Variants in ACTR2 observed in about 807,000 individuals in gnomAD.
The protein encoded by ACTR2 is actin related protein 2.
Under a neutral mutation model 50.2 loss-of-function variants are expected in ACTR2, and 5 were observed. The observed-to-expected ratio is 0.10, with a 90% CI of 0.05 to 0.21. The LOEUF (loss-of-function observed/expected upper bound fraction) is 0.21. ACTR2 is among the 10% of genes least tolerant of loss of function. The pLI, the probability that ACTR2 is intolerant of heterozygous loss-of-function variation, is 1.00. For missense variants in ACTR2, 180 were observed against 480.6 expected (o/e 0.37, Z 5.85); for synonymous variants, 140 against 162.9 (o/e 0.86, Z 1.07).
At chr2:65,253,688 G>C (rs750224932) in intron 4 of ACTR2, 40 bp from the exon 5 acceptor site, 1 of 1,597,200 alleles carries the variant, frequency 6.3e-7, no homozygotes, top group South Asian at 1.1e-5. Flanking sequence ...TGGTTTTCCT[G>C]ATTTGACTTT....
chr2:65,232,887 TA>T (rs1036913525), intron 1 of ACTR2, among the ~76,000 whole-genome samples: 1 of 152,076 alleles, frequency 6.6e-6, no homozygotes, highest in African/African-American at 2.4e-5. Flanking sequence ...CACCAAGTCT[TA>T]AAATGATTGA....
At chr2:65,259,212 C>T (rs1672215317) in intron 6 of ACTR2, among the ~76,000 whole-genome samples, 1 of 151,838 alleles carries the variant, frequency 6.6e-6, no homozygotes, top group African/African-American at 2.4e-5. Flanking sequence ...TCATTTGAGC[C>T]CAGGAGTTCA....
intron 5 of ACTR2, among the ~76,000 whole-genome samples, chr2:65,255,015 C>T (rs1672122217): frequency 6.6e-6 from 1 of 151,946 alleles, no homozygotes; most frequent in Admixed American, 6.6e-5. Context: ...TATTTTCTAG[C>T]ATTTAAGAAA....
intron 7 of ACTR2, among the ~76,000 whole-genome samples, chr2:65,264,037 A>G (rs532998193): frequency 2.2e-4 from 33 of 152,358 alleles, no homozygotes; most frequent in African/African-American, 7.2e-4. Flanking sequence ...CCTGGGTGAC[A>G]GAGTGAGACT....
At chr2:65,233,013 TAGA>T (rs1287647936) in intron 1 of ACTR2, among the ~76,000 whole-genome samples, 1 of 151,796 alleles carries the variant, frequency 6.6e-6, no homozygotes, top group Non-Finnish European at 1.5e-5. Flanking sequence ...TTTTTTTTTT[TAGA>T]CAGAGTCTTG....
intron 3 of ACTR2, among the ~76,000 whole-genome samples, chr2:65,250,196 C>A (rs897899825): frequency 2.0e-5 from 3 of 147,436 alleles, no homozygotes; most frequent in Non-Finnish European, 3.0e-5. Flanking sequence ...AACCCTGTCT[C>A]TACTAAAAAT....
Position 65,261,228 on chromosome 2 carries a change from G to T in ACTR2, c.736-19G>T, listed in dbSNP as rs1672262407. ...TTTAATCTTTTGCTGATTAGTACCT[G>T]ATTATTCTTGGTTTCTAGCTCCCAG... On this transcript the variant is annotated intron_variant, in intron 6 of 8. Transcript: ENST00000260641. 4 of 1,613,650 alleles carry T rather than the reference G, an allele frequency of 2.5e-6. No homozygotes were observed. In the East Asian group the frequency reaches 8.9e-5, roughly 36 times the overall value.
At chr2:65,263,361 G>A (rs1672312647) in intron 7 of ACTR2, among the ~76,000 whole-genome samples, 1 of 146,760 alleles carries the variant, frequency 6.8e-6, no homozygotes, top group African/African-American at 2.5e-5. Flanking sequence ...TGCTCTTAGT[G>A]TTTTGGCCAT....
At chr2:65,263,003 CA>C (rs768688358) in intron 7 of ACTR2, among the ~76,000 whole-genome samples, 25 of 142,944 alleles carry the variant, frequency 1.7e-4, no homozygotes, top group Non-Finnish European at 2.6e-4. Flanking sequence ...AAAAAAAAAA[CA>C]TATATATATA....
At chr2:65,252,489 CA>C (rs1330302279) in intron 4 of ACTR2, among the ~76,000 whole-genome samples, 2 of 151,198 alleles carry the variant, frequency 1.3e-5, no homozygotes, top group African/African-American at 4.9e-5. Context: ...AAAAAAAATA[CA>C]AAAAATTAGC....
At chr2:65,231,749 A>G (rs1207155637) in intron 1 of ACTR2, among the ~76,000 whole-genome samples, 2 of 152,228 alleles carry the variant, frequency 1.3e-5, no homozygotes, top group African/African-American at 4.8e-5. Context: ...CAAATTAAAT[A>G]TTCTAGGACA....
At chr2:65,242,294 G>A (rs1671853318) in intron 2 of ACTR2, among the ~76,000 whole-genome samples, 1 of 152,090 alleles carries the variant, frequency 6.6e-6, no homozygotes, top group South Asian at 2.1e-4. Context: ...TACTAACATA[G>A]TTTTGAATTG....
At chr2:65,242,702 T>C in intron 2 of ACTR2, 1 of 492,308 alleles carries the variant, frequency 2.0e-6, no homozygotes. Context: ...TACAGTGTGT[T>C]TTTCTTTATA....
intron 1 of ACTR2, among the ~76,000 whole-genome samples, chr2:65,236,626 G>A (rs776251219): frequency 6.6e-6 from 1 of 151,900 alleles, no homozygotes; most frequent in Non-Finnish European, 1.5e-5. Context: ...TGTTGCCCAG[G>A]CTGGAGTGCA....
chr2:65,247,317 G>T (rs1283283714), intron 3 of ACTR2, among the ~76,000 whole-genome samples: 1 of 152,050 alleles, frequency 6.6e-6, no homozygotes, highest in African/African-American at 2.4e-5. Context: ...GGCCGGGCGC[G>T]GTGGCTCACG....
At chr2:65,256,856 A>G (rs1289883995) in intron 6 of ACTR2, among the ~76,000 whole-genome samples, 1 of 144,652 alleles carries the variant, frequency 6.9e-6, no homozygotes, top group African/African-American at 2.6e-5. Context: ...TGGGTGACAG[A>G]GCAAGACTCC....
intron 4 of ACTR2, among the ~76,000 whole-genome samples, chr2:65,253,268 T>C (rs1008391915): frequency 3.3e-5 from 5 of 152,054 alleles, no homozygotes; most frequent in Non-Finnish European, 1.5e-5. Flanking sequence ...GGCGAAACTC[T>C]GTCTCTACAA....
intron 3 of ACTR2, among the ~76,000 whole-genome samples, chr2:65,248,943 G>T (rs1671992276): frequency 1.3e-5 from 2 of 152,112 alleles, no homozygotes; most frequent in East Asian, 1.9e-4. Context: ...AACCCAGGAG[G>T]TGGAGGTTGC....
At chr2:65,254,125 T>C (rs1672104084) in intron 5 of ACTR2, among the ~76,000 whole-genome samples, 1 of 152,202 alleles carries the variant, frequency 6.6e-6, no homozygotes, top group Non-Finnish European at 1.5e-5. Context: ...TACATAATTA[T>C]ATTTGTTATT....
Sources: gnomAD v4.1 joint callset for allele counts (sites outside exome capture counted in the v4.1 genomes callset) on GRCh38, gnomAD v4.1.1 for gene constraint, MANE v1.5 for transcripts, NCBI Gene and HGNC (gene_info 2026-07-23, HGNC 2026-07-21) for gene names.